The following MBD2 variants were observed in gnomAD, a reference collection of about 807,000 sequenced individuals.
MBD2 encodes the protein methyl-CpG-binding domain protein 2.
Under a neutral mutation model 39.3 loss-of-function variants are expected in MBD2, and 9 were observed. That is an observed-to-expected ratio of 0.23 (90% confidence interval 0.14 to 0.40). The LOEUF (loss-of-function observed/expected upper bound fraction) is 0.40, where lower values mean the gene tolerates loss of function less well. MBD2 is among the 10% of genes least tolerant of loss of function. The probability of loss-of-function intolerance (pLI) is 1.00; values close to 1 mark genes in which losing one functional copy is unlikely to be tolerated. For synonymous variants in MBD2, 233 were observed against 211.1 expected (o/e 1.10, Z -0.90); for missense variants, 458 against 532.6 (o/e 0.86, Z 1.38).
At chr18:54,171,115 G>A (rs1394381226) in intron 3 of MBD2, among the ~76,000 whole-genome samples, 9 of 151,932 alleles carry the variant, frequency 5.9e-5, no homozygotes, top group Non-Finnish European at 2.9e-5. Context: ...TGAAAGAGTG[G>A]TAGTAGCCAG....
chr18:54,188,485 A>C (rs1027019080), intron 3 of MBD2, among the ~76,000 whole-genome samples: 1 of 152,244 alleles, frequency 6.6e-6, no homozygotes, highest in African/African-American at 2.4e-5. Context: ...CAGAATAAAA[A>C]GTAGTTTTAG....
In MBD2 at chr18:54,224,234, CCGCCGT is replaced by C. The variant is rs1004038075; in HGVS notation, c.320_325del (p.Asp107_Gly108del). The C allele has an allele frequency of 2.0e-6, 2 of 1,004,738 alleles. No individual in the cohort carries two copies. Among genetic ancestry groups the C allele is most frequent in the African/African-American group, 3.5e-5 (2 of 57,086 alleles). 62.2% of individuals were successfully genotyped at this position (1,004,738 alleles called of 1,614,324 possible). ...ACCGCTGCCGCCGCCGCCGCAGCCG[CCGCCGT>C]CGCCGCCAAGGCCGCTGCCGCCACT... On this transcript the variant is annotated inframe_deletion, in exon 1 of 7. Coordinates refer to ENST00000256429, the MANE Select transcript of MBD2 (RefSeq NM_003927.5).
Position 54,159,839 on chromosome 18 carries a change from A to G in MBD2, c.1174T>C (p.Leu392=). 6.2e-7 allele frequency: 1 copy of G among 1,612,966 alleles called. No individual in the cohort carries two copies. The highest frequency in any genetic ancestry group is 8.5e-7 in the Non-Finnish European group (1 of 1,180,014). Residue 392 remains leucine, a synonymous_variant, in exon 6 of 7, where the codon TTG becomes CTG. Transcript: ENST00000256429. ...KLEEALMADI[L]SRAADTEEMD... The stretch of plus-strand genomic sequence containing the variant: ...TCTTCTGTATCAGCAGCTCGCGACA[A>G]GATGTCTGCCATCAGTGCTTCTTCC...
intron 6 of MBD2, among the ~76,000 whole-genome samples, chr18:54,158,330 T>A (rs993317355): frequency 6.6e-6 from 1 of 152,130 alleles, no homozygotes; most frequent in African/African-American, 2.4e-5. Context: ...CTCCTATATA[T>A]CTTTCAGGCT....
intron 3 of MBD2, among the ~76,000 whole-genome samples, chr18:54,168,614 TG>T (rs2086155435): frequency 2.3e-4 from 1 of 4,444 alleles, no homozygotes; most frequent in African/African-American, 1.0e-3. Context: ...TATGCATATT[TG>T]TGTGTGTGTG....
At chr18:54,208,253 G>C (rs533459899) in intron 1 of MBD2, among the ~76,000 whole-genome samples, 1 of 152,302 alleles carries the variant, frequency 6.6e-6, no homozygotes, top group South Asian at 2.1e-4. Flanking sequence ...AGCACTTTGG[G>C]AGGCCAAGGC....
rs1405736421 is a variant in MBD2, at chr18:54,155,087, T to G, written c.*237A>C. 1 of 152,568 alleles carries G rather than the reference T, an allele frequency of 6.6e-6. No homozygotes were observed. Among genetic ancestry groups the G allele is most frequent in the South Asian group, 2.1e-4 (1 of 4,820 alleles). 9.5% of individuals were successfully genotyped at this position (152,568 alleles called of 1,614,324 possible). On this transcript the variant is annotated 3_prime_UTR_variant, in exon 7 of 7. Coordinates refer to ENST00000256429, the MANE Select transcript of MBD2 (RefSeq NM_003927.5). ...GCTCAGCTTCATCTTAGGGTCCTGCTTGATATTACAAAAGACTAATTTTAA... is the reference window on the plus strand; with the variant it reads ...GCTCAGCTTCATCTTAGGGTCCTGCGTGATATTACAAAAGACTAATTTTAA...
intron 1 of MBD2, among the ~76,000 whole-genome samples, chr18:54,212,326 C>G (rs2086515132): frequency 6.6e-6 from 1 of 152,160 alleles, no homozygotes; most frequent in Non-Finnish European, 1.5e-5. Context: ...TTTCTTTCCT[C>G]TGAACCCATA....
At chr18:54,160,074 G>A in intron 5 of MBD2, 171 bp from the exon 6 acceptor site, 2 of 630,004 alleles carry the variant, frequency 3.2e-6, no homozygotes, top group Admixed American at 3.0e-5. Context: ...CCTCACCAAT[G>A]AGCCTTGCCA....
At position 54,224,216 on chromosome 18, in the gene MBD2, C is replaced by A; in HGVS notation, c.344G>T (p.Gly115Val). Residue 115 changes from glycine (G) to valine (V), a missense_variant, in exon 1 of 7, where the codon GGC (glycine) becomes GTC (valine). By Grantham distance (109) the Gly-to-Val change is moderately radical. Around this residue, in one of 2 missense-constraint regions of MBD2, gnomAD observed 269 missense variants for 236.0 expected, o/e 1.14. Transcript: ENST00000256429. ...GGDGGGCGGG[G>V]SGGGGAPRRE... ...CCGGGGGGCGCCGCCGCCACCGCTG[C>A]CGCCGCCGCCGCAGCCGCCGCCGTC... 2 of 1,086,316 alleles carry A rather than the reference C, an allele frequency of 1.8e-6. No homozygotes were observed. The highest frequency in any genetic ancestry group is 2.2e-6 in the Non-Finnish European group (2 of 891,576). 67.3% of individuals were successfully genotyped at this position (1,086,316 alleles called of 1,614,324 possible).
At chr18:54,211,343 A>C (rs1029394494) in intron 1 of MBD2, among the ~76,000 whole-genome samples, 1 of 151,824 alleles carries the variant, frequency 6.6e-6, no homozygotes, top group Non-Finnish European at 1.5e-5. Flanking sequence ...TTAGATACAA[A>C]ACAATCAGAA....
intron 5 of MBD2, among the ~76,000 whole-genome samples, chr18:54,161,436 C>T (rs138675590): frequency 6.6e-6 from 1 of 152,274 alleles, no homozygotes; most frequent in East Asian, 1.9e-4. Flanking sequence ...ATTTCTTATA[C>T]AGTTAGTCTC....
chr18:54,184,186 C>A (rs1428309756), intron 3 of MBD2, among the ~76,000 whole-genome samples: 1 of 152,026 alleles, frequency 6.6e-6, no homozygotes, highest in Non-Finnish European at 1.5e-5. Context: ...AGTCCCCAAC[C>A]CCCAGGCCAC....
At chr18:54,223,339 T>C (rs934144583) in intron 1 of MBD2, among the ~76,000 whole-genome samples, 3 of 152,182 alleles carry the variant, frequency 2.0e-5, no homozygotes, top group African/African-American at 4.8e-5. Flanking sequence ...CTTTGTATTA[T>C]CGAATATGTA....
intron 5 of MBD2, 47 bp downstream of exon 5, chr18:54,164,476 C>A: frequency 6.4e-7 from 1 of 1,553,164 alleles, no homozygotes; most frequent in Non-Finnish European, 8.8e-7. Context: ...AAAAATTTAC[C>A]CAAACGTAAA....
At chr18:54,187,576 A>G (rs1436995361) in intron 3 of MBD2, 2 of 508,366 alleles carry the variant, frequency 3.9e-6, no homozygotes, top group African/African-American at 4.2e-5. Flanking sequence ...TTTCGTGACT[A>G]TCACTGGGTG....
At chr18:54,210,879 T>A (rs1262443925) in intron 1 of MBD2, among the ~76,000 whole-genome samples, 1 of 146,232 alleles carries the variant, frequency 6.8e-6, no homozygotes, top group Non-Finnish European at 1.5e-5. Context: ...TTTTTTTTTT[T>A]TTTTTTTTTT....
intron 3 of MBD2, among the ~76,000 whole-genome samples, chr18:54,171,895 A>AT (rs1423056992): frequency 6.6e-6 from 1 of 152,246 alleles, no homozygotes; most frequent in Non-Finnish European, 1.5e-5. Flanking sequence ...TGCAGCTGGA[A>AT]TTAAAACTCA....
At chr18:54,167,102 A>G (rs971612610) in intron 3 of MBD2, among the ~76,000 whole-genome samples, 2 of 148,472 alleles carry the variant, frequency 1.3e-5, no homozygotes, top group South Asian at 2.2e-4. Flanking sequence ...CCAAAAAAAA[A>G]CAGATAAAGG....
Sources: allele counts gnomAD v4.1 joint callset (sites outside exome capture counted in the v4.1 genomes callset), GRCh38; gene constraint gnomAD v4.1.1; regional missense constraint gnomAD v4.1.1; transcripts MANE v1.5; gene names NCBI Gene and HGNC (gene_info 2026-07-23, HGNC 2026-07-21).